Variants in BLTP3B observed in about 807,000 individuals in gnomAD.
BLTP3B encodes UHRF1 (ICBP90) binding protein 1-like.
At chr12:100,110,022 ATTACT>A in the BLTP3B span, among the ~76,000 whole-genome samples, 128 of 152,326 alleles carry the variant, frequency 8.4e-4, no homozygotes, top group African/African-American at 2.8e-3. Context: ...ATTCATATAC[ATTACT>A]TTATCTTCCA....
At chr12:100,098,739 T>TAAA in the BLTP3B span, among the ~76,000 whole-genome samples, 5 of 144,354 alleles carry the variant, frequency 3.5e-5, no homozygotes, top group African/African-American at 1.3e-4. Flanking sequence ...CCATCTCTAC[T>TAAA]AAAAAAAAAA....
At chr12:100,136,326 ATTT>A in the BLTP3B span, among the ~76,000 whole-genome samples, 2 of 152,110 alleles carry the variant, frequency 1.3e-5, no homozygotes, top group Non-Finnish European at 2.9e-5. Flanking sequence ...TAGCAATAAA[ATTT>A]TTTTTATTTT....
the BLTP3B span, chr12:100,047,433 G>A: frequency 9.3e-6 from 8 of 856,734 alleles, no homozygotes; most frequent in South Asian, 3.0e-5. Flanking sequence ...GGGAGGCAGA[G>A]GTTTGCAGTA....
At chr12:100,132,841 C>T in the BLTP3B span, among the ~76,000 whole-genome samples, 350 of 152,030 alleles carry the variant, frequency 2.3e-3, 1 homozygote, top group African/African-American at 8.1e-3. Flanking sequence ...CCAGCTACTC[C>T]GGAGGCTGAG....
chr12:100,062,815 G>A, the BLTP3B span, among the ~76,000 whole-genome samples: 1 of 152,132 alleles, frequency 6.6e-6, no homozygotes, highest in South Asian at 2.1e-4. Context: ...TTTAAAATTA[G>A]CTGGACATGA....
the BLTP3B span, chr12:100,097,582 G>C: frequency 7.0e-7 from 1 of 1,426,978 alleles, no homozygotes. Context: ...TAAAAACAAA[G>C]CAAATGTATA....
At chr12:100,128,773 G>A in the BLTP3B span, 2 of 1,233,212 alleles carry the variant, frequency 1.6e-6, no homozygotes, top group South Asian at 1.4e-5. Context: ...CAAGTTTAAG[G>A]GAAGGAAGAG....
the BLTP3B span, among the ~76,000 whole-genome samples, chr12:100,100,121 G>A: frequency 6.6e-6 from 1 of 151,784 alleles, no homozygotes; most frequent in South Asian, 2.1e-4. Context: ...TGACCAACAA[G>A]GAGAAATCCT....
At chr12:100,050,430 G>T in the BLTP3B span, 2 of 956,510 alleles carry the variant, frequency 2.1e-6, no homozygotes, top group Non-Finnish European at 1.4e-6. Flanking sequence ...TGACCTACCA[G>T]ACCAAAAGTA....
chr12:100,113,549 G>A, the BLTP3B span, among the ~76,000 whole-genome samples: 1 of 152,132 alleles, frequency 6.6e-6, no homozygotes, highest in African/African-American at 2.4e-5. Context: ...TCTGTAACAT[G>A]GGGATAATAG....
chr12:100,054,118 C>T, the BLTP3B span, among the ~76,000 whole-genome samples: 1 of 152,068 alleles, frequency 6.6e-6, no homozygotes, highest in Non-Finnish European at 1.5e-5. Flanking sequence ...AATTATAGCA[C>T]TTTTATAACT....
chr12:100,104,672 T>C, the BLTP3B span, among the ~76,000 whole-genome samples: 1 of 151,918 alleles, frequency 6.6e-6, no homozygotes, highest in Non-Finnish European at 1.5e-5. Flanking sequence ...ATATAAAATG[T>C]AGGAAACATC....
At chr12:100,104,038 A>T in the BLTP3B span, 1 of 908,140 alleles carries the variant, frequency 1.1e-6, no homozygotes, top group Non-Finnish European at 1.7e-6. Context: ...ATATTAATAT[A>T]GGACAGACAC....
At chr12:100,037,204 TA>T in the BLTP3B span, 3 of 945,866 alleles carry the variant, frequency 3.2e-6, no homozygotes, top group African/African-American at 1.8e-5. Context: ...ACATTAGTCA[TA>T]AAAGCATTTG....
chr12:100,114,291 CT>C, the BLTP3B span, among the ~76,000 whole-genome samples: 1 of 152,120 alleles, frequency 6.6e-6, no homozygotes, highest in Non-Finnish European at 1.5e-5. Context: ...CGATCATATT[CT>C]TTCCTCCAGA....
the BLTP3B span, among the ~76,000 whole-genome samples, chr12:100,106,017 T>C: frequency 6.6e-6 from 1 of 152,148 alleles, no homozygotes; most frequent in Non-Finnish European, 1.5e-5. Context: ...ACCACCTTTT[T>C]CCAGCCAGAA....
At chr12:100,129,135 C>A in the BLTP3B span, among the ~76,000 whole-genome samples, 2 of 151,698 alleles carry the variant, frequency 1.3e-5, no homozygotes, top group East Asian at 1.9e-4. Context: ...AGTGACAAAA[C>A]CCCCACTTTT....
chr12:100,125,662 T>C, the BLTP3B span, among the ~76,000 whole-genome samples: 1 of 152,094 alleles, frequency 6.6e-6, no homozygotes, highest in East Asian at 1.9e-4. Context: ...GCAGAAAATA[T>C]GGGCATCCAG....
chr12:100,053,572 C>T, the BLTP3B span, among the ~76,000 whole-genome samples: 2,607 of 152,174 alleles, frequency 0.017, 78 homozygotes, highest in African/African-American at 0.059. Flanking sequence ...TATACATGCA[C>T]GCATGCACAT....
Sources: allele counts gnomAD v4.1 joint callset (sites outside exome capture counted in the v4.1 genomes callset), GRCh38; gene constraint gnomAD v4.1.1; transcripts MANE v1.5; gene names NCBI Gene and HGNC (gene_info 2026-07-23, HGNC 2026-07-21).